Variants in CLSTN2 observed in about 807,000 individuals in gnomAD.
CLSTN2 encodes the protein calsyntenin 2.
CLSTN2 carries 48 observed loss-of-function variants against 101.2 expected under a neutral mutation model. That is an observed-to-expected ratio of 0.47 (90% CI 0.38 to 0.60). The LOEUF (loss-of-function observed/expected upper bound fraction) is 0.60. Among genes scored for constraint, CLSTN2 ranks in the 20% least tolerant of loss-of-function variants. The probability of loss-of-function intolerance (pLI) is 0.00; values close to 1 mark genes in which losing one functional copy is unlikely to be tolerated. For missense variants in CLSTN2, 1,160 were observed against 1,238.2 expected (o/e 0.94, Z 0.95); for synonymous variants, 481 against 463.6 (o/e 1.04, Z -0.48).
intron 2 of CLSTN2, among the ~76,000 whole-genome samples, chr3:140,343,649 G>GT (rs1316732015): frequency 3.9e-5 from 6 of 152,190 alleles, no homozygotes; most frequent in African/African-American, 1.4e-4. Context: ...CTTGTGAGAT[G>GT]TTTCTTAAGC....
chr3:140,306,848 TTTATTATTATTA>T (rs57111372), intron 2 of CLSTN2, among the ~76,000 whole-genome samples: 151 of 141,968 alleles, frequency 1.1e-3, no homozygotes, highest in African/African-American at 3.7e-3. Context: ...TTTTTGTCTT[TTTATTATTATTA>T]TTATTATTAT....
chr3:139,983,532 A>C (rs1355312944), intron 1 of CLSTN2, among the ~76,000 whole-genome samples: 2 of 152,138 alleles, frequency 1.3e-5, no homozygotes, highest in Non-Finnish European at 2.9e-5. Context: ...TTATGTTATG[A>C]ACTTTGGAGA....
At chr3:140,396,734 ATTC>A in intron 2 of CLSTN2, among the ~76,000 whole-genome samples, 1 of 152,166 alleles carries the variant, frequency 6.6e-6, no homozygotes, top group Admixed American at 6.5e-5. Flanking sequence ...TGGACATGCA[ATTC>A]TTCTTACTCT....
intron 1 of CLSTN2, among the ~76,000 whole-genome samples, chr3:139,989,522 A>G (rs1396165645): frequency 9.2e-5 from 14 of 152,016 alleles, no homozygotes; most frequent in Non-Finnish European, 4.4e-5. Flanking sequence ...TGGGTGTTGC[A>G]GGGCCCTTTG....
intron 2 of CLSTN2, among the ~76,000 whole-genome samples, chr3:140,233,016 G>C (rs1196435640): frequency 2.0e-5 from 3 of 152,226 alleles, no homozygotes; most frequent in Non-Finnish European, 4.4e-5. Flanking sequence ...TTTAAAAAGA[G>C]AAATGCAGAT....
At chr3:140,486,526 G>A (rs983410437) in intron 8 of CLSTN2, among the ~76,000 whole-genome samples, 4 of 152,198 alleles carry the variant, frequency 2.6e-5, no homozygotes, top group African/African-American at 7.2e-5. Flanking sequence ...TAAGAATACT[G>A]TGATAAGACA....
intron 1 of CLSTN2, among the ~76,000 whole-genome samples, chr3:140,117,216 C>T (rs1415564742): frequency 3.3e-5 from 5 of 152,138 alleles, no homozygotes; most frequent in Admixed American, 1.3e-4. Flanking sequence ...CTACCCTGCC[C>T]GCCGTGGTTG....
intron 2 of CLSTN2, among the ~76,000 whole-genome samples, chr3:140,274,564 G>A (rs970464167): frequency 6.6e-6 from 1 of 152,198 alleles, no homozygotes; most frequent in Non-Finnish European, 1.5e-5. Context: ...GGCACTGGGA[G>A]AATTGAGACA....
intron 1 of CLSTN2, among the ~76,000 whole-genome samples, chr3:140,074,429 A>G (rs2008452217): frequency 6.6e-6 from 1 of 152,112 alleles, no homozygotes; most frequent in Non-Finnish European, 1.5e-5. Flanking sequence ...CTTAGCCCAA[A>G]GGAGGTGCTT....
chr3:140,521,555 G>A lies in CLSTN2; in HGVS notation c.1345-10769G>A, dbSNP rs1328645854. Among the ~76,000 whole-genome samples the A allele has an allele frequency of 3.9e-5, 6 of 152,322 alleles. No homozygotes were observed. The South Asian group carries it at 1.2e-3, about 32-fold the overall frequency. ...TCAGCCAGAACTGCACCTATAAGAG[G>A]TGGCTGAGAACCCTTGTTGGGAGGC... On this transcript the variant is annotated intron_variant, in intron 8 of 16. Transcript: ENST00000458420.
At chr3:140,433,361 C>T (rs1322008883) in intron 5 of CLSTN2, among the ~76,000 whole-genome samples, 3 of 152,200 alleles carry the variant, frequency 2.0e-5, no homozygotes, top group Admixed American at 6.5e-5. Flanking sequence ...AGGGGAAAAG[C>T]CTTGCCCAAG....
rs80159326 is a variant in CLSTN2 at position 140,092,919 on chromosome 3, A to G, written c.110-83032A>G. ...TCTCCTCGCTAAGCATGCTGGCCAG[A>G]TGGCCAAGAACAAGGATGAGGGGTG... On this transcript the variant is annotated intron_variant, in intron 1 of 16. Transcript: ENST00000458420. 1.5e-3 allele frequency among the ~76,000 whole-genome samples: 224 copies of G among 152,232 alleles called. 1 individual carries two copies. In the East Asian group the frequency reaches 0.026, roughly 17 times the overall value.
chr3:140,127,716 A>G (rs1409172123), intron 1 of CLSTN2, among the ~76,000 whole-genome samples: 1 of 152,180 alleles, frequency 6.6e-6, no homozygotes, highest in Non-Finnish European at 1.5e-5. Flanking sequence ...CTTCAGGAGT[A>G]TAGGCTGGAA....
chr3:140,360,121 C>T (rs962603979), intron 2 of CLSTN2, among the ~76,000 whole-genome samples: 2 of 152,028 alleles, frequency 1.3e-5, no homozygotes, highest in East Asian at 3.9e-4. Context: ...AACTACTATC[C>T]TGGAAAGCAA....
At chr3:140,476,480 T>C (rs1351933989) in intron 8 of CLSTN2, among the ~76,000 whole-genome samples, 1 of 152,096 alleles carries the variant, frequency 6.6e-6, no homozygotes, top group East Asian at 1.9e-4. Flanking sequence ...CCTCAAAACA[T>C]ACGTACTCCA....
At chr3:140,133,291 C>A (rs2009550223) in intron 1 of CLSTN2, among the ~76,000 whole-genome samples, 1 of 152,112 alleles carries the variant, frequency 6.6e-6, no homozygotes. Flanking sequence ...CCTCCATGAC[C>A]CAAACACCTC....
intron 2 of CLSTN2, among the ~76,000 whole-genome samples, chr3:140,190,524 A>G (rs1339713043): frequency 6.6e-6 from 1 of 150,688 alleles, no homozygotes; most frequent in Non-Finnish European, 1.5e-5. Flanking sequence ...GACAGTTGAC[A>G]TCTTACCTCG....
chr3:140,346,139 C>A (rs980404992), intron 2 of CLSTN2, among the ~76,000 whole-genome samples: 1 of 152,088 alleles, frequency 6.6e-6, no homozygotes, highest in Non-Finnish European at 1.5e-5. Flanking sequence ...TTCTAATTCC[C>A]CTAGGCTTGC....
chr3:140,395,997 C>T (rs73228964), intron 2 of CLSTN2, among the ~76,000 whole-genome samples: 3 of 152,116 alleles, frequency 2.0e-5, no homozygotes, highest in African/African-American at 7.2e-5. Flanking sequence ...GCCAGGTGTT[C>T]GCTCCAGGAA....
Sources: allele counts gnomAD v4.1 joint callset (sites outside exome capture counted in the v4.1 genomes callset), GRCh38; gene constraint gnomAD v4.1.1; transcripts MANE v1.5; gene names NCBI Gene and HGNC (gene_info 2026-07-23, HGNC 2026-07-21).